The following TFEC variants were observed in gnomAD, a reference collection of about 807,000 sequenced individuals.
TFEC encodes the protein class E basic helix-loop-helix protein 34.
In TFEC, 31 loss-of-function variants were observed where a neutral mutation model predicts 41.6. The observed-to-expected ratio is 0.74, with a 90% CI of 0.56 to 1.01. The LOEUF is 1.01. TFEC is among the 50% of genes least tolerant of loss of function. The pLI, the probability that TFEC is intolerant of heterozygous loss-of-function variation, is 0.00. For missense variants in TFEC, 402 were observed against 404.1 expected, an observed-to-expected ratio of 0.99 and a Z score of 0.04; for synonymous variants, 143 against 140.6, an observed-to-expected ratio of 1.02 and a Z score of -0.12.
intron 3 of TFEC, among the ~76,000 whole-genome samples, chr7:116,079,558 C>T (rs570676852): frequency 2.0e-5 from 3 of 152,122 alleles, no homozygotes; most frequent in African/African-American, 7.2e-5. Flanking sequence ...AGAATCAAAT[C>T]AATAACTCAA....
intron 1 of TFEC, among the ~76,000 whole-genome samples, chr7:116,121,259 C>T (rs940564852): frequency 4.6e-5 from 7 of 151,844 alleles, no homozygotes; most frequent in African/African-American, 1.7e-4. Context: ...CATAAATGAA[C>T]CTTGAATATA....
At chr7:116,086,260 TC>T (rs1797201210) in intron 3 of TFEC, among the ~76,000 whole-genome samples, 1 of 151,840 alleles carries the variant, frequency 6.6e-6, no homozygotes, top group African/African-American at 2.4e-5. Flanking sequence ...CCCTTCCTCT[TC>T]CCACACCCAG....
chr7:116,104,657 A>G (rs1797676069), intron 3 of TFEC, among the ~76,000 whole-genome samples: 1 of 151,928 alleles, frequency 6.6e-6, no homozygotes, highest in Non-Finnish European at 1.5e-5. Context: ...TCTAATTTCT[A>G]TCCCTTTTAA....
At chr7:116,074,337 G>A (rs1796904977) in intron 3 of TFEC, among the ~76,000 whole-genome samples, 1 of 151,844 alleles carries the variant, frequency 6.6e-6, no homozygotes, top group South Asian at 2.1e-4. Context: ...CATAATGGGA[G>A]GAATTATTTG....
intron 3 of TFEC, among the ~76,000 whole-genome samples, chr7:116,107,521 T>G (rs1391243269): frequency 6.6e-6 from 1 of 152,142 alleles, no homozygotes; most frequent in Non-Finnish European, 1.5e-5. Flanking sequence ...GAGGAGCTGG[T>G]CTGAGAACAA....
At chr7:116,072,673 A>C (rs1004760102) in intron 3 of TFEC, among the ~76,000 whole-genome samples, 2 of 151,644 alleles carry the variant, frequency 1.3e-5, no homozygotes, top group South Asian at 4.1e-4. Context: ...GTATCCATGG[A>C]CTGGTAAGTT....
At chr7:116,108,878 A>G (rs1797780734) in intron 3 of TFEC, among the ~76,000 whole-genome samples, 1 of 152,170 alleles carries the variant, frequency 6.6e-6, no homozygotes, top group African/African-American at 2.4e-5. Context: ...GCAATGCTTT[A>G]TAAAGCCCAC....
chr7:116,092,999 T>C (rs1212030466), intron 3 of TFEC, among the ~76,000 whole-genome samples: 1 of 152,092 alleles, frequency 6.6e-6, no homozygotes, highest in Non-Finnish European at 1.5e-5. Context: ...AAAGGAAGCA[T>C]AGATTAATAA....
chr7:116,127,550 A>G (rs1798240071), intron 1 of TFEC, among the ~76,000 whole-genome samples: 1 of 151,948 alleles, frequency 6.6e-6, no homozygotes, highest in Non-Finnish European at 1.5e-5. Context: ...AGACTTTCTA[A>G]CAAATCCCTA....
At chr7:116,093,141 G>T (rs1797367335) in intron 3 of TFEC, among the ~76,000 whole-genome samples, 1 of 152,072 alleles carries the variant, frequency 6.6e-6, no homozygotes, top group Non-Finnish European at 1.5e-5. Context: ...GTAAGTAGTA[G>T]ACTTGGGCCT....
intron 1 of TFEC, among the ~76,000 whole-genome samples, chr7:116,113,877 G>A (rs114153262): frequency 1.3e-5 from 2 of 151,908 alleles, no homozygotes; most frequent in East Asian, 3.9e-4. Context: ...ATAGACAAAC[G>A]GACACAAGTT....
chr7:115,946,983 A>C (rs1341459906), intron 6 of TFEC, among the ~76,000 whole-genome samples: 1 of 151,102 alleles, frequency 6.6e-6, no homozygotes, highest in Non-Finnish European at 1.5e-5. Context: ...GGTTAGTTAC[A>C]TATGTATACA....
chr7:115,989,239 A>G (rs1355012058), intron 1 of TFEC, among the ~76,000 whole-genome samples: 1 of 152,216 alleles, frequency 6.6e-6, no homozygotes, highest in East Asian at 1.9e-4. Context: ...TCATTGATCT[A>G]CATTAATGTA....
chr7:116,015,026 C>A (rs1037665691), intron 1 of TFEC, among the ~76,000 whole-genome samples: 2 of 151,668 alleles, frequency 1.3e-5, no homozygotes, highest in Non-Finnish European at 2.9e-5. Context: ...TTGTTTTAAC[C>A]ACTGAGTTTG....
chr7:116,110,602 GT>G, intron 3 of TFEC: 2 of 834,466 alleles, frequency 2.4e-6, no homozygotes, highest in Non-Finnish European at 3.3e-6. Context: ...TTTTATTCTT[GT>G]TTTTTTCCTT....
At chr7:116,072,595 T>C (rs1471003779) in intron 3 of TFEC, among the ~76,000 whole-genome samples, 1 of 151,616 alleles carries the variant, frequency 6.6e-6, no homozygotes, top group Admixed American at 6.6e-5. Flanking sequence ...TTCTTAAAGA[T>C]ACATATTATT....
intron 5 of TFEC, among the ~76,000 whole-genome samples, chr7:115,951,943 A>G (rs1023932348): frequency 6.6e-6 from 1 of 152,116 alleles, no homozygotes; most frequent in Non-Finnish European, 1.5e-5. Context: ...TATACATGGT[A>G]TCTTTTTCAA....
chr7:115,984,304 C>T lies in TFEC; in HGVS notation c.138G>A (p.Lys46=). 2 of 1,614,064 alleles carry T rather than the reference C, an allele frequency of 1.2e-6. No homozygotes were observed. The highest frequency in any genetic ancestry group is 1.7e-6 in the Non-Finnish European group (2 of 1,179,952). ...CATCTTCTTTCCCAATAGCTAGTAA[C>T]TTGGTGAGTGGGTTTTCTGTGAGGC... ...DAGLTENPLT[K]LLAIGKEDDN... is the part of the protein sequence containing the mutation. Residue 46 remains lysine, a synonymous_variant, in exon 2 of 8, where the codon AAG becomes AAA. Coordinates refer to ENST00000265440, the MANE Select transcript of TFEC (RefSeq NM_012252.4).
At chr7:115,956,635 C>G in intron 4 of TFEC, 44 bp downstream of exon 4, 1 of 1,410,190 alleles carries the variant, frequency 7.1e-7, no homozygotes, top group Non-Finnish European at 9.8e-7. Flanking sequence ...TAACTTATGT[C>G]ATTAATAAAA....
Sources: allele counts gnomAD v4.1 joint callset (sites outside exome capture counted in the v4.1 genomes callset), GRCh38; gene constraint gnomAD v4.1.1; transcripts MANE v1.5; gene names NCBI Gene and HGNC (gene_info 2026-07-23, HGNC 2026-07-21).